GOT1: variants seen among roughly 807,000 people sequenced by gnomAD.
GOT1 encodes glutamic-oxaloacetic transaminase 1.
In GOT1, 25 loss-of-function variants were observed where a neutral mutation model predicts 48.2. The ratio of observed to expected loss-of-function variants is 0.52; its 90% CI spans 0.38 to 0.72. GOT1 has a LOEUF of 0.72. Ranked by LOEUF, GOT1 falls within the 30% of genes least tolerant of loss-of-function variation. The pLI, the probability that GOT1 is intolerant of heterozygous loss-of-function variation, is 0.00. For missense variants in GOT1, 380 were observed against 520.1 expected, an observed-to-expected ratio of 0.73 and a Z score of 2.62; for synonymous variants, 188 against 193.8, an observed-to-expected ratio of 0.97 and a Z score of 0.25.
chr10:99,397,428 G>A lies in GOT1; in HGVS notation c.*119C>T. The A allele has an allele frequency of 9.3e-7, 1 of 1,073,668 alleles. No homozygotes were observed. Among genetic ancestry groups the A allele is most frequent in the Non-Finnish European group, 1.4e-6 (1 of 709,336 alleles). 66.5% of individuals were successfully genotyped at this position (1,073,668 alleles called of 1,614,324 possible). A position where few individuals can be genotyped will look rare whatever the true frequency, so the allele number is the denominator to read the frequency against. On this transcript the variant is annotated 3_prime_UTR_variant, in exon 9 of 9. Coordinates refer to ENST00000370508, the MANE Select transcript of GOT1 (RefSeq NM_002079.3). The surrounding 1 kb of genome is among the most constrained non-coding windows in gnomAD (Gnocchi z 5.4). ...GGTTTAAACAGAGGCTGCCTCACCA[G>A]AGCAGCCTTTCAGTCCTGCAAGTGT...
At chr10:99,403,248 T>G (rs2032706748) in intron 7 of GOT1, among the ~76,000 whole-genome samples, 1 of 152,054 alleles carries the variant, frequency 6.6e-6, no homozygotes, top group Non-Finnish European at 1.5e-5. Flanking sequence ...TGGGGAAAAC[T>G]ACCATTCATC....
intron 2 of GOT1, 105 bp downstream of exon 2, chr10:99,420,519 G>T (rs2032952343): frequency 2.5e-6 from 2 of 811,460 alleles, no homozygotes; most frequent in Non-Finnish European, 1.9e-6. Flanking sequence ...CTTATTCATT[G>T]GCAGTTCAAT....
At chr10:99,406,877 CTGA>C (rs747921602) in intron 2 of GOT1, 28 bp from the exon 3 acceptor site, 3 of 1,610,942 alleles carry the variant, frequency 1.9e-6, no homozygotes. Context: ...GGGTCACAGG[CTGA>C]TAATGGTGAG....
At chr10:99,409,489 A>T (rs1045450953) in intron 2 of GOT1, among the ~76,000 whole-genome samples, 4 of 152,224 alleles carry the variant, frequency 2.6e-5, no homozygotes, top group Admixed American at 2.6e-4. Context: ...CTTTTCAAGA[A>T]CCTAACATAA....
chr10:99,407,001 A>G lies in GOT1; in HGVS notation c.301-152T>C, dbSNP rs190083979. The G allele has an allele frequency of 2.9e-5, 20 of 690,736 alleles. No homozygotes were observed. In the East Asian group the frequency reaches 5.2e-4, roughly 18 times the overall value. The allele number at this position is 690,736 out of a possible 1,614,324, so 42.8% of individuals were successfully genotyped here. On this transcript the variant is annotated intron_variant, in intron 2 of 8. Coordinates refer to ENST00000370508, the MANE Select transcript of GOT1 (RefSeq NM_002079.3). The stretch of plus-strand genomic sequence containing the variant: ...ATCAAAACCTTACAACTACTACATG[A>G]AAAAGGTACTATGATTTGCCCATGT...
intron 2 of GOT1, among the ~76,000 whole-genome samples, chr10:99,419,320 C>A (rs956619578): frequency 6.6e-6 from 1 of 152,164 alleles, no homozygotes; most frequent in African/African-American, 2.4e-5. Flanking sequence ...TTTTTCCCAC[C>A]CACCCAATCA....
At chr10:99,427,484 T>C (rs987989796) in intron 1 of GOT1, among the ~76,000 whole-genome samples, 19 of 152,296 alleles carry the variant, frequency 1.2e-4, no homozygotes, top group African/African-American at 4.6e-4. Context: ...TTAGCCAGGA[T>C]GGTCTCAATC....
rs553872473 is a variant in GOT1 at position 99,413,784 on chromosome 10, T to C, written c.300+6840A>G. 3.3e-5 allele frequency among the ~76,000 whole-genome samples: 5 copies of C among 152,292 alleles called. No homozygotes were observed. The South Asian group carries it at 8.3e-4, about 25-fold the overall frequency. On this transcript the variant is annotated intron_variant, in intron 2 of 8. Coordinates refer to ENST00000370508, the MANE Select transcript of GOT1 (RefSeq NM_002079.3). Reference sequence around the variant, plus strand: ...AGCCAGAAGAGAGTGGGGGCCAATATTCAACATTCTTAAAGAAAAGAATTT... The same window carrying C: ...AGCCAGAAGAGAGTGGGGGCCAATACTCAACATTCTTAAAGAAAAGAATTT...
intron 1 of GOT1, among the ~76,000 whole-genome samples, chr10:99,427,749 G>GT (rs1223479558): frequency 6.6e-6 from 1 of 152,146 alleles, no homozygotes; most frequent in African/African-American, 2.4e-5. Flanking sequence ...CCACCTGGAG[G>GT]TACCTGAAAT....
intron 8 of GOT1, among the ~76,000 whole-genome samples, chr10:99,400,269 G>A (rs1256001862): frequency 1.3e-5 from 2 of 152,222 alleles, no homozygotes; most frequent in African/African-American, 4.8e-5. Context: ...AACAAAGGAA[G>A]TATTGTAATG....
In GOT1 at chr10:99,406,198, T is replaced by C. The variant is rs767954074; in HGVS notation, c.476A>G (p.Tyr159Cys). 2 of 1,614,058 alleles carry C rather than the reference T, an allele frequency of 1.2e-6. No homozygotes were observed. Among genetic ancestry groups the C allele is most frequent in the Non-Finnish European group, 1.7e-6 (2 of 1,179,876 alleles). Residue 159 changes from tyrosine (Y) to cysteine (C), a missense_variant, in exon 4 of 9, where the codon TAT becomes TGT. Physicochemically the swap from Tyr to Cys is radical, Grantham distance 194. Transcript: ENST00000370508. ...SAAGFKDIRS[Y>C]RYWDAEKRGL... ...TCTCTTCTCTGCATCCCAGTAGCGA[T>C]AGGACCGAATGTCTTTAAAACCAGC...
chr10:99,410,443 C>A (rs2862611), intron 2 of GOT1, among the ~76,000 whole-genome samples: 137,522 of 152,226 alleles, frequency 0.9, 62,183 homozygotes, highest in Admixed American at 0.94. Flanking sequence ...CTCAACTTTT[C>A]ACTCCACCCT....
intron 2 of GOT1, among the ~76,000 whole-genome samples, chr10:99,417,918 G>T (rs2032917445): frequency 6.6e-6 from 1 of 152,004 alleles, no homozygotes. Context: ...CGGAGAGGGG[G>T]GAAGGATAGC....
At chr10:99,417,473 CT>C (rs1231681864) in intron 2 of GOT1, among the ~76,000 whole-genome samples, 1 of 152,196 alleles carries the variant, frequency 6.6e-6, no homozygotes, top group Non-Finnish European at 1.5e-5. Flanking sequence ...CACTTTTACA[CT>C]GTTGGTGGGA....
At chr10:99,410,482 T>C (rs2032815467) in intron 2 of GOT1, among the ~76,000 whole-genome samples, 1 of 152,216 alleles carries the variant, frequency 6.6e-6, no homozygotes, top group Non-Finnish European at 1.5e-5. Flanking sequence ...AGCAAATTCA[T>C]TTTTTTAAAA....
At chr10:99,409,430 C>T (rs2032804257) in intron 2 of GOT1, among the ~76,000 whole-genome samples, 3 of 151,960 alleles carry the variant, frequency 2.0e-5, no homozygotes, top group South Asian at 2.1e-4. Flanking sequence ...CACGCCTGGC[C>T]AATAAAAAAG....
intron 2 of GOT1, among the ~76,000 whole-genome samples, chr10:99,417,175 A>G (rs1013503231): frequency 6.6e-6 from 1 of 152,214 alleles, no homozygotes; most frequent in Non-Finnish European, 1.5e-5. Flanking sequence ...TTTGCAATCT[A>G]CTCATCTGAC....
At chr10:99,413,432 C>G (rs1186064930) in intron 2 of GOT1, among the ~76,000 whole-genome samples, 4 of 152,046 alleles carry the variant, frequency 2.6e-5, no homozygotes, top group African/African-American at 9.7e-5. Context: ...AAGAAATATG[C>G]GACTATGTGA....
chr10:99,424,897 C>G (rs2033019264), intron 1 of GOT1, among the ~76,000 whole-genome samples: 1 of 152,202 alleles, frequency 6.6e-6, no homozygotes, highest in Non-Finnish European at 1.5e-5. Context: ...CAGGCATTAA[C>G]AACAACCACT....
Sources: allele counts gnomAD v4.1 joint callset (sites outside exome capture counted in the v4.1 genomes callset), GRCh38; gene constraint gnomAD v4.1.1; non-coding constraint Gnocchi (gnomAD v3.1); transcripts MANE v1.5; gene names NCBI Gene and HGNC (gene_info 2026-07-23, HGNC 2026-07-21).